OTUD7A: variants seen among roughly 807,000 people sequenced by gnomAD.
OTUD7A encodes the protein OTU deubiquitinase 7A, also known as OTU domain-containing protein 7A.
A neutral mutation model predicts 65.7 loss-of-function variants in OTUD7A; 12 were observed. That is an observed-to-expected ratio of 0.18 (90% CI 0.12 to 0.30). The LOEUF (loss-of-function observed/expected upper bound fraction) is 0.30. Among genes scored for constraint, OTUD7A ranks in the 10% least tolerant of loss-of-function variants. OTUD7A has a pLI of 1.00. For synonymous variants in OTUD7A, 641 were observed against 586.3 expected, an observed-to-expected ratio of 1.09 and a Z score of -1.35; for missense variants, 1,148 against 1,304.8, an observed-to-expected ratio of 0.88 and a Z score of 1.85.
intron 1 of OTUD7A, chr15:31,767,700 C>G (rs956598694): frequency 1.4e-6 from 1 of 724,354 alleles, no homozygotes; most frequent in Admixed American, 2.0e-5. Flanking sequence ...TTTTCTTGAT[C>G]TTCATTTATT....
intron 3 of OTUD7A, among the ~76,000 whole-genome samples, chr15:31,631,316 T>C (rs1891145977): frequency 6.6e-6 from 1 of 152,224 alleles, no homozygotes; most frequent in Non-Finnish European, 1.5e-5. Context: ...TTTGCTTGTC[T>C]GTAAAGTATT....
At chr15:31,629,617 TAGGG>T (rs1178319069) in intron 3 of OTUD7A, among the ~76,000 whole-genome samples, 1 of 152,248 alleles carries the variant, frequency 6.6e-6, no homozygotes, top group Non-Finnish European at 1.5e-5. Flanking sequence ...TAAAATGAGT[TAGGG>T]AGGATTCCCT....
chr15:31,612,526 G>T (rs1890458966), intron 3 of OTUD7A, among the ~76,000 whole-genome samples: 1 of 152,020 alleles, frequency 6.6e-6, no homozygotes, highest in Non-Finnish European at 1.5e-5. Context: ...ATCAAATCAA[G>T]AACTCAACCC....
chr15:31,624,601 T>C (rs1890895458), intron 3 of OTUD7A, among the ~76,000 whole-genome samples: 1 of 152,204 alleles, frequency 6.6e-6, no homozygotes, highest in African/African-American at 2.4e-5. Context: ...ATGGAAATAT[T>C]CATAACTGTC....
At chr15:31,806,331 T>C (rs1029347011) in intron 1 of OTUD7A, among the ~76,000 whole-genome samples, 1 of 152,252 alleles carries the variant, frequency 6.6e-6, no homozygotes, top group African/African-American at 2.4e-5. Context: ...ACATTTGCAC[T>C]AATGAGAGAT....
At chr15:31,608,587 C>T (rs1461223772) in intron 3 of OTUD7A, among the ~76,000 whole-genome samples, 1 of 152,190 alleles carries the variant, frequency 6.6e-6, no homozygotes, top group Non-Finnish European at 1.5e-5. Flanking sequence ...TATGTCCCAA[C>T]AAACCCATCC....
At chr15:31,752,843 T>C (rs942764784) in intron 1 of OTUD7A, among the ~76,000 whole-genome samples, 2 of 152,020 alleles carry the variant, frequency 1.3e-5, no homozygotes, top group African/African-American at 4.8e-5. Flanking sequence ...TGAGTAAACA[T>C]AGTTTGTCAG....
At chr15:31,795,373 T>C (rs1895925155) in intron 1 of OTUD7A, among the ~76,000 whole-genome samples, 1 of 152,192 alleles carries the variant, frequency 6.6e-6, no homozygotes, top group Non-Finnish European at 1.5e-5. Flanking sequence ...CCTAAAAACC[T>C]GGTTCAGACC....
At chr15:31,849,289 A>G (rs1373241058) in intron 1 of OTUD7A, among the ~76,000 whole-genome samples, 1 of 152,238 alleles carries the variant, frequency 6.6e-6, no homozygotes, top group Non-Finnish European at 1.5e-5. Flanking sequence ...CCTGACAAAA[A>G]CAAGAAATAG....
Position 31,664,793 on chromosome 15 carries a change from C to T in OTUD7A, c.-99-7716G>A, listed in dbSNP as rs151082512. 4.6e-3 allele frequency among the ~76,000 whole-genome samples: 693 copies of T among 152,244 alleles called. 2 individuals carry two copies. Among genetic ancestry groups the T allele is most frequent in the African/African-American group, 0.016 (667 of 41,546 alleles). On this transcript the variant is annotated intron_variant, in intron 1 of 12. Transcript: ENST00000307050. ...TTCTAGAACTTTTATAGTTTCAGGTCTTAGATATAAGTCATTAATCCCTCT... is the reference window on the plus strand; with the variant it reads ...TTCTAGAACTTTTATAGTTTCAGGTTTTAGATATAAGTCATTAATCCCTCT...
At chr15:31,722,910 G>A (rs540361278) in intron 1 of OTUD7A, among the ~76,000 whole-genome samples, 3 of 152,344 alleles carry the variant, frequency 2.0e-5, no homozygotes, top group East Asian at 1.9e-4. Flanking sequence ...TGATTGCCTG[G>A]GCAGCTGTGA....
intron 1 of OTUD7A, among the ~76,000 whole-genome samples, chr15:31,778,184 C>T (rs775860629): frequency 2.0e-5 from 3 of 152,130 alleles, no homozygotes; most frequent in Non-Finnish European, 4.4e-5. Context: ...AAGTACCATA[C>T]CCAAGGAACT....
At chr15:31,601,963 T>C (rs1192318523) in intron 3 of OTUD7A, among the ~76,000 whole-genome samples, 1 of 152,130 alleles carries the variant, frequency 6.6e-6, no homozygotes, top group Non-Finnish European at 1.5e-5. Context: ...CAGTAATTAA[T>C]AGCCTACCAA....
intron 1 of OTUD7A, among the ~76,000 whole-genome samples, chr15:31,853,312 ACAATCT>A (rs1225685621): frequency 1.3e-5 from 2 of 152,332 alleles, no homozygotes; most frequent in Admixed American, 6.5e-5. Flanking sequence ...CTTCGAGCAA[ACAATCT>A]ACTCCTCCAC....
Position 31,483,376 on chromosome 15 carries a change from C to G in OTUD7A, c.2720G>C (p.Arg907Pro). 7.7e-7 allele frequency: 1 copy of G among 1,306,458 alleles called. No individual in the cohort carries two copies. The highest frequency in any genetic ancestry group is 9.8e-7 in the Non-Finnish European group (1 of 1,025,206). The allele number at this position is 1,306,458 out of a possible 1,614,324, so 80.9% of individuals were successfully genotyped here. Residue 907 changes from arginine to proline, a missense_variant, in exon 13 of 13, where the codon CGC (arginine) becomes CCC (proline). Arg to Pro is a moderately radical substitution (Grantham distance 103). Around this residue, in one of 6 missense-constraint regions of OTUD7A, gnomAD observed 842 missense variants for 769.5 expected, o/e 1.09. Transcript: ENST00000307050. ...CQRENCAFYG[R>P]AETEHYCSYC... ...GGAGCAGTAGTGCTCGGTCTCGGCG[C>G]GCCCGTAGAACGCACAGTTCTCGCG...
intron 1 of OTUD7A, among the ~76,000 whole-genome samples, chr15:31,756,931 C>T (rs1392246707): frequency 1.3e-5 from 2 of 152,166 alleles, no homozygotes; most frequent in African/African-American, 2.4e-5. Context: ...ACCGAAGTTG[C>T]TCCATGACAT....
At chr15:31,615,035 T>C (rs903102085) in intron 3 of OTUD7A, among the ~76,000 whole-genome samples, 5 of 152,118 alleles carry the variant, frequency 3.3e-5, no homozygotes, top group African/African-American at 4.8e-5. Context: ...GAATAGAACA[T>C]TAATAAATAC....
At chr15:31,527,836 G>A (rs547745623) in intron 6 of OTUD7A, among the ~76,000 whole-genome samples, 24 of 152,356 alleles carry the variant, frequency 1.6e-4, no homozygotes, top group African/African-American at 2.4e-4. Flanking sequence ...AGGAGAGAGC[G>A]CCTGCTTCCT....
At chr15:31,619,390 T>C (rs1314568543) in intron 3 of OTUD7A, among the ~76,000 whole-genome samples, 1 of 152,244 alleles carries the variant, frequency 6.6e-6, no homozygotes, top group Non-Finnish European at 1.5e-5. Flanking sequence ...ACGATATTGA[T>C]TCTTCCTATC....
Sources: allele counts gnomAD v4.1 joint callset (sites outside exome capture counted in the v4.1 genomes callset), GRCh38; gene constraint gnomAD v4.1.1; regional missense constraint gnomAD v4.1.1; transcripts MANE v1.5; gene names NCBI Gene and HGNC (gene_info 2026-07-23, HGNC 2026-07-21).